Variants in PCDHA1 observed in about 807,000 individuals in gnomAD.
PCDHA1 encodes protocadherin alpha-1.
A neutral mutation model predicts 61.3 loss-of-function variants in PCDHA1; 42 were observed. The ratio of observed to expected loss-of-function variants is 0.69; its 90% CI spans 0.54 to 0.89. PCDHA1 has a LOEUF of 0.89. PCDHA1 is among the 40% of genes least tolerant of loss of function. PCDHA1 has a pLI of 0.00. For missense variants in PCDHA1, 1,256 were observed against 1,235.3 expected, an observed-to-expected ratio of 1.02 and a Z score of -0.25; for synonymous variants, 610 against 553.8, an observed-to-expected ratio of 1.10 and a Z score of -1.43.
intron 1 of PCDHA1, among the ~76,000 whole-genome samples, chr5:140,789,516 A>C (rs1298569131): frequency 6.6e-6 from 1 of 151,976 alleles, no homozygotes; most frequent in African/African-American, 2.4e-5. Context: ...TTATTGGGCG[A>C]TTTGTTTAAT....
intron 1 of PCDHA1, among the ~76,000 whole-genome samples, chr5:140,789,476 C>A (rs1420531083): frequency 6.6e-6 from 1 of 152,016 alleles, no homozygotes; most frequent in Non-Finnish European, 1.5e-5. Flanking sequence ...CAAACCAAAA[C>A]CGACCAACCA....
intron 1 of PCDHA1, among the ~76,000 whole-genome samples, chr5:140,806,395 G>A (rs1763725302): frequency 6.6e-6 from 1 of 152,188 alleles, no homozygotes; most frequent in Non-Finnish European, 1.5e-5. Flanking sequence ...TCTCATGGGA[G>A]CAAATGAGTT....
intron 1 of PCDHA1, among the ~76,000 whole-genome samples, chr5:140,900,485 C>T (rs577392455): frequency 6.6e-5 from 10 of 152,310 alleles, no homozygotes; most frequent in African/African-American, 2.2e-4. Flanking sequence ...CCATGTTGGT[C>T]AGACTGGTCT....
At chr5:140,807,877 C>T (rs1764050861) in intron 1 of PCDHA1, 1 of 1,613,990 alleles carries the variant, frequency 6.2e-7, no homozygotes, top group Non-Finnish European at 8.5e-7. Context: ...AGTTACTCAT[C>T]ACAGTACTGG....
chr5:140,927,037 G>T lies in PCDHA1; in HGVS notation c.2395-51912G>T, dbSNP rs782765718. On this transcript the variant is annotated intron_variant, in intron 1 of 3. Coordinates refer to ENST00000504120, the MANE Select transcript of PCDHA1 (RefSeq NM_018900.4). ...CGCGGACTTGAGGCTGCCAGCGGCC[G>T]CTATGTCCTCGCGGAACTTTCGCTT... The T allele has an allele frequency of 3.7e-6, 6 of 1,612,000 alleles. No homozygotes were observed. The Admixed American group carries it at 6.7e-5, about 18-fold the overall frequency.
In PCDHA1 at chr5:140,836,932, C is replaced by A. The variant is rs1774821723; in HGVS notation, c.2394+48248C>A. ...CACTTTTGTTTTGGGATGCGTAATA[C>A]TATAGATCAAAATCTATGGTTTATG... On this transcript the variant is annotated intron_variant, in intron 1 of 3. Coordinates refer to ENST00000504120, the MANE Select transcript of PCDHA1 (RefSeq NM_018900.4). The A allele has an allele frequency of 8.2e-6, 4 of 485,222 alleles. No homozygotes were observed. In the East Asian group the frequency reaches 1.4e-4, roughly 17 times the overall value. 30.1% of individuals were successfully genotyped at this position (485,222 alleles called of 1,614,324 possible). A position where few individuals can be genotyped will look rare whatever the true frequency, so the allele number is the denominator to read the frequency against.
At chr5:140,835,461 C>A in intron 1 of PCDHA1, 1 of 1,613,936 alleles carries the variant, frequency 6.2e-7, no homozygotes, top group Non-Finnish European at 8.5e-7. Flanking sequence ...TCTCCCTATT[C>A]CAGAGGACGC....
At chr5:140,939,119 C>A (rs1427966155) in intron 1 of PCDHA1, among the ~76,000 whole-genome samples, 9 of 152,170 alleles carry the variant, frequency 5.9e-5, no homozygotes, top group African/African-American at 1.7e-4. Flanking sequence ...TTTCACAATT[C>A]TGGAAGCTGG....
rs543512832 is a variant in PCDHA1 at position 140,899,964 on chromosome 5, T to C, written c.2395-78985T>C. On this transcript the variant is annotated intron_variant, in intron 1 of 3. Coordinates refer to ENST00000504120, the MANE Select transcript of PCDHA1 (RefSeq NM_018900.4). Reference sequence around the variant, plus strand: ...CTGGGACCACAGGCATGTGCTGCCATGCCCAGCTACTTTTTTGATTTTTTT... The same window carrying C: ...CTGGGACCACAGGCATGTGCTGCCACGCCCAGCTACTTTTTTGATTTTTTT... 3.3e-5 allele frequency among the ~76,000 whole-genome samples: 5 copies of C among 151,940 alleles called. No individual in the cohort carries two copies. In the South Asian group the frequency reaches 6.2e-4, roughly 19 times the overall value.
intron 1 of PCDHA1, among the ~76,000 whole-genome samples, chr5:140,890,076 C>G (rs2062479072): frequency 6.6e-6 from 1 of 152,150 alleles, no homozygotes. Flanking sequence ...CTTATGAGAA[C>G]TGATAATGCA....
At chr5:140,875,450 C>T (rs199938092) in intron 1 of PCDHA1, 2 of 1,590,620 alleles carry the variant, frequency 1.3e-6, no homozygotes, top group African/African-American at 1.3e-5. Flanking sequence ...ATTGTCCCAA[C>T]TCAGAGGCCC....
chr5:140,904,365 A>G (rs1036617665), intron 1 of PCDHA1, among the ~76,000 whole-genome samples: 2 of 151,790 alleles, frequency 1.3e-5, no homozygotes, highest in African/African-American at 4.8e-5. Context: ...CCATTATTTC[A>G]TTCCTTTTTA....
At chr5:140,863,196 G>T (rs782500346) in intron 1 of PCDHA1, 2 of 874,852 alleles carry the variant, frequency 2.3e-6, no homozygotes, top group Non-Finnish European at 3.6e-6. Context: ...TGGTGGCGTC[G>T]CTGGCGGAGA....
At position 140,997,829 on chromosome 5, in the gene PCDHA1, C is replaced by G. The variant is rs1294994549; in HGVS notation, c.2543-11798C>G. On this transcript the variant is annotated intron_variant, in intron 3 of 3. Transcript: ENST00000504120. ...GCTGTTGGTATCTATGTTTTCTAAA[C>G]AATACAATATACATTCTTATACATA... 2.0e-5 allele frequency among the ~76,000 whole-genome samples: 3 copies of G among 152,190 alleles called. No homozygotes were observed. The East Asian group carries it at 5.8e-4, about 29-fold the overall frequency.
chr5:140,883,530 A>G, intron 1 of PCDHA1: 1 of 1,614,156 alleles, frequency 6.2e-7, no homozygotes. Flanking sequence ...GTATCAGCCT[A>G]TGAACTGGTG....
At chr5:140,870,164 T>A in intron 1 of PCDHA1, 1 of 1,614,174 alleles carries the variant, frequency 6.2e-7, no homozygotes, top group African/African-American at 1.3e-5. Context: ...GTGACTTCCT[T>A]GTCCCTCCCA....
In PCDHA1 at chr5:140,842,940, C is replaced by G. The variant is rs2150348293; in HGVS notation, c.2394+54256C>G. On this transcript the variant is annotated intron_variant, in intron 1 of 3. Transcript: ENST00000504120. ...CAGTTCCAGGTGAGCGCGCGCGACG[C>G]GGGCGTGCCGCCTCTGGGCAGCAAC... The G allele has an allele frequency of 3.8e-6, 6 of 1,594,510 alleles. 1 individual carries two copies. Among genetic ancestry groups the G allele is most frequent in the Admixed American group, 3.4e-5 (2 of 59,306 alleles).
rs142949338 is a variant in PCDHA1 at position 140,927,554 on chromosome 5, T to G, written c.2395-51395T>G. On this transcript the variant is annotated intron_variant, in intron 1 of 3. Coordinates refer to ENST00000504120, the MANE Select transcript of PCDHA1 (RefSeq NM_018900.4). ...CGCTCAGGAGACGCACAAGTCACCA[T>G]CATTGTGGTGGACACAAATGACAAC... The G allele has an allele frequency of 5.6e-6, 9 of 1,614,020 alleles. No individual in the cohort carries two copies. The African/African-American group carries it at 1.1e-4, about 19-fold the overall frequency.
intron 1 of PCDHA1, chr5:140,821,777 T>C: frequency 4.4e-6 from 7 of 1,606,206 alleles, no homozygotes; most frequent in Non-Finnish European, 6.0e-6. Context: ...GAGATTGAGA[T>C]GGTATATTCC....
Sources: gnomAD v4.1 joint callset for allele counts (sites outside exome capture counted in the v4.1 genomes callset) on GRCh38, gnomAD v4.1.1 for gene constraint, MANE v1.5 for transcripts, NCBI Gene and HGNC (gene_info 2026-07-23, HGNC 2026-07-21) for gene names.